The following RREB1 variants were observed in gnomAD, a reference collection of about 807,000 sequenced individuals.
RREB1 encodes ras-responsive element-binding protein 1.
RREB1 carries 27 observed loss-of-function variants against 117.8 expected under a neutral mutation model. The ratio of observed to expected loss-of-function variants is 0.23; its 90% CI spans 0.17 to 0.32. The LOEUF (loss-of-function observed/expected upper bound fraction) is 0.32, where lower values mean the gene tolerates loss of function less well. RREB1 is among the 10% of genes least tolerant of loss of function. RREB1 has a pLI of 1.00. For synonymous variants in RREB1, 1,298 were observed against 1,026.7 expected (o/e 1.26, Z -5.05); for missense variants, 2,577 against 2,378.2 (o/e 1.08, Z -1.74).
At chr6:7,123,873 A>T (rs1761790407) in intron 1 of RREB1, among the ~76,000 whole-genome samples, 1 of 151,824 alleles carries the variant, frequency 6.6e-6, no homozygotes, top group Non-Finnish European at 1.5e-5. Context: ...GGCCTCCCAA[A>T]GTACTGGGAT....
chr6:7,128,739 C>T (rs1404385668), intron 1 of RREB1, among the ~76,000 whole-genome samples: 5 of 152,108 alleles, frequency 3.3e-5, no homozygotes, highest in South Asian at 4.1e-4. Flanking sequence ...GAGGCCAAGG[C>T]GGGCAGATCA....
chr6:7,112,801 T>C (rs1761207510), intron 1 of RREB1, among the ~76,000 whole-genome samples: 1 of 140,568 alleles, frequency 7.1e-6, no homozygotes, highest in Non-Finnish European at 1.6e-5. Context: ...CTGTCGGCAA[T>C]GTCATCGACT....
At chr6:7,210,614 T>C (rs1286336935) in intron 6 of RREB1, among the ~76,000 whole-genome samples, 190 bp from the exon 7 acceptor site, 1 of 152,202 alleles carries the variant, frequency 6.6e-6, no homozygotes, top group Admixed American at 6.5e-5. Context: ...GGACAGCACT[T>C]GTAAGAGCTT....
At chr6:7,167,854 T>G (rs1449667464) in intron 1 of RREB1, among the ~76,000 whole-genome samples, 1 of 152,132 alleles carries the variant, frequency 6.6e-6, no homozygotes, top group African/African-American at 2.4e-5. Context: ...GAACCTATAT[T>G]GTAAGGTAAG....
At position 7,248,507 on chromosome 6, in the gene RREB1, C is replaced by T. The variant is rs200490177; in HGVS notation, c.4772-4C>T. ...AATGGAAATTCTTTCTTCCATTGTT[C>T]CAGGGGAAAGGCCATACAAATGTCA... On this transcript the variant is annotated splice_polypyrimidine_tract_variant and splice_region_variant and intron_variant, in intron 12 of 12. Coordinates refer to ENST00000379938, the MANE Select transcript of RREB1 (RefSeq NM_001003699.4). 5 of 1,613,296 alleles carry T rather than the reference C, an allele frequency of 3.1e-6. No homozygotes were observed. Among genetic ancestry groups the T allele is most frequent in the Non-Finnish European group, 4.2e-6 (5 of 1,179,294 alleles).
At chr6:7,245,461 A>G (rs1473813530) in intron 11 of RREB1, among the ~76,000 whole-genome samples, 3 of 152,202 alleles carry the variant, frequency 2.0e-5, no homozygotes, top group African/African-American at 7.2e-5. Flanking sequence ...ACCAGCTTCC[A>G]ATGTACTGTC....
At chr6:7,132,021 G>C (rs926059151) in intron 1 of RREB1, among the ~76,000 whole-genome samples, 7 of 152,158 alleles carry the variant, frequency 4.6e-5, no homozygotes, top group Admixed American at 3.3e-4. Flanking sequence ...ACTACTCCCA[G>C]CTAGTTTTTG....
chr6:7,188,306 A>G (rs563610650), intron 5 of RREB1, among the ~76,000 whole-genome samples: 18 of 151,782 alleles, frequency 1.2e-4, no homozygotes, highest in Non-Finnish European at 1.9e-4. Flanking sequence ...GCTGGAGTAC[A>G]GTGGTGCGAT....
At chr6:7,114,609 A>G (rs7772296) in intron 1 of RREB1, among the ~76,000 whole-genome samples, 146,505 of 152,226 alleles carry the variant, frequency 0.96, 70,589 homozygotes, top group African/African-American at 0.99. Context: ...TGAAAGGTAC[A>G]GTAGTCGTGG....
intron 10 of RREB1, among the ~76,000 whole-genome samples, chr6:7,235,822 C>A (rs1247751268): frequency 6.6e-6 from 1 of 152,196 alleles, no homozygotes; most frequent in Non-Finnish European, 1.5e-5. Flanking sequence ...GAAGCAGATC[C>A]GGTGTTCAGT....
chr6:7,154,291 C>G (rs1460813972), intron 1 of RREB1, among the ~76,000 whole-genome samples: 4 of 152,210 alleles, frequency 2.6e-5, no homozygotes, highest in Admixed American at 2.6e-4. Flanking sequence ...TTCCTAGGCC[C>G]CACTCCAGCC....
At chr6:7,187,569 T>C in intron 5 of RREB1, 46 bp downstream of exon 5, 1 of 882,768 alleles carries the variant, frequency 1.1e-6, no homozygotes, top group Non-Finnish European at 1.5e-6. Flanking sequence ...TATTTTATTT[T>C]ATTTTATTTT....
Position 7,229,055 on chromosome 6 carries a change from A to G in RREB1, c.956A>G (p.Asp319Gly). 4.5e-6 allele frequency: 7 copies of G among 1,564,384 alleles called. No homozygotes were observed. The highest frequency in any genetic ancestry group is 6.1e-6 in the Non-Finnish European group (7 of 1,150,144). ...CISEQHRFVC[D>G]TCDKAFPMLC... Reference sequence around the variant, plus strand: ...AGCGAGCAACACCGTTTTGTCTGCGACACCTGTGACAAGGCGTTCCCCATG... The same window carrying G: ...AGCGAGCAACACCGTTTTGTCTGCGGCACCTGTGACAAGGCGTTCCCCATG... The change falls in exon 10 of 13, where the codon GAC (aspartate) becomes GGC (glycine). Residue 319 changes from aspartate (D) to glycine (G), a missense_variant. Transcript: ENST00000379938. This position sits in a 1 kb window ranked among gnomAD's most constrained non-coding sequence, Gnocchi z 4.5.
chr6:7,181,657 A>G, intron 3 of RREB1: 1 of 603,432 alleles, frequency 1.7e-6, no homozygotes, highest in Non-Finnish European at 2.9e-6. Context: ...ACACTCAGAA[A>G]GGAGGCAAGG....
At chr6:7,202,395 C>G (rs1766037343) in intron 6 of RREB1, among the ~76,000 whole-genome samples, 1 of 152,228 alleles carries the variant, frequency 6.6e-6, no homozygotes, top group Non-Finnish European at 1.5e-5. Flanking sequence ...GATCGCCTTT[C>G]AAGCTGAAGT....
chr6:7,172,363 CT>C (rs1764255373), intron 1 of RREB1, among the ~76,000 whole-genome samples: 1 of 152,026 alleles, frequency 6.6e-6, no homozygotes, highest in South Asian at 2.1e-4. Context: ...CACCTCTGCA[CT>C]TTTGTCTTGA....
Position 7,229,583 on chromosome 6 carries a change from C to T in RREB1, c.1484C>T (p.Ala495Val). The T allele has an allele frequency of 6.2e-7, 1 of 1,612,218 alleles. No homozygotes were observed. The highest frequency in any genetic ancestry group is 1.1e-5 in the South Asian group (1 of 90,902). Reference protein sequence around the residue: ...SLPPFSKAPAAPLQAIFKHMP... With the variant: ...SLPPFSKAPAVPLQAIFKHMP... Reference sequence around the variant, plus strand: ...CCGCCCTTCTCCAAGGCCCCTGCCGCCCCACTGCAGGCGATCTTCAAGCAC... The same window carrying T: ...CCGCCCTTCTCCAAGGCCCCTGCCGTCCCACTGCAGGCGATCTTCAAGCAC... Residue 495 changes from alanine to valine, a missense_variant, in exon 10 of 13, where the codon GCC becomes GTC. By Grantham distance (64) the Ala-to-Val change is moderately conservative. Coordinates refer to ENST00000379938, the MANE Select transcript of RREB1 (RefSeq NM_001003699.4). This position sits in a 1 kb window ranked among gnomAD's most constrained non-coding sequence, Gnocchi z 4.5.
intron 6 of RREB1, among the ~76,000 whole-genome samples, chr6:7,194,098 A>T (rs1688241052): frequency 6.6e-6 from 1 of 152,192 alleles, no homozygotes; most frequent in Non-Finnish European, 1.5e-5. Flanking sequence ...GGGGGCAGCC[A>T]TTTTGACTGA....
chr6:7,208,935 G>A (rs1351150395), intron 6 of RREB1, among the ~76,000 whole-genome samples: 2 of 152,164 alleles, frequency 1.3e-5, no homozygotes, highest in East Asian at 1.9e-4. Context: ...CAGAGTTGGT[G>A]CACATAGGTC....
Sources: gnomAD v4.1 joint callset for allele counts (sites outside exome capture counted in the v4.1 genomes callset) on GRCh38, gnomAD v4.1.1 for gene constraint, Gnocchi (gnomAD v3.1) non-coding constraint, MANE v1.5 for transcripts, NCBI Gene and HGNC (gene_info 2026-07-23, HGNC 2026-07-21) for gene names.